The following PIP5K1A variants were observed in gnomAD, a reference collection of about 807,000 sequenced individuals.
The protein encoded by PIP5K1A is phosphatidylinositol 4-phosphate 5-kinase type-1 alpha.
PIP5K1A carries 46 observed loss-of-function variants against 72.9 expected under a neutral mutation model. That is an observed-to-expected ratio of 0.63 (90% CI 0.50 to 0.81). The LOEUF (loss-of-function observed/expected upper bound fraction) is 0.81. PIP5K1A is among the 30% of genes least tolerant of loss of function. The probability of loss-of-function intolerance (pLI) is 0.00; values close to 1 mark genes in which losing one functional copy is unlikely to be tolerated. For synonymous variants in PIP5K1A, 228 were observed against 255.1 expected, an observed-to-expected ratio of 0.89 and a Z score of 1.01; for missense variants, 458 against 706.1, an observed-to-expected ratio of 0.65 and a Z score of 3.98.
At chr1:151,199,131 G>A (rs775211056) in intron 1 of PIP5K1A, 50 bp downstream of exon 1, 2 of 1,612,712 alleles carry the variant, frequency 1.2e-6, no homozygotes, top group Non-Finnish European at 1.7e-6. Context: ...TATGCGATGG[G>A]AGGAAGAGCG....
chr1:151,208,973 C>G (rs1227993098), intron 1 of PIP5K1A, among the ~76,000 whole-genome samples: 2 of 150,982 alleles, frequency 1.3e-5, no homozygotes, highest in Non-Finnish European at 2.9e-5. Context: ...ACCTGGTGAT[C>G]TGCCTGCCTC....
intron 1 of PIP5K1A, among the ~76,000 whole-genome samples, chr1:151,209,970 G>A (rs1243935589): frequency 2.6e-5 from 4 of 151,714 alleles, no homozygotes; most frequent in Non-Finnish European, 4.4e-5. Context: ...TGCAATCTCT[G>A]CCTCCTGGGT....
In PIP5K1A at chr1:151,248,300, T is replaced by C. The variant is rs923378107; in HGVS notation, c.*435T>C. The C allele has an allele frequency of 1.2e-5, 2 of 170,912 alleles. No homozygotes were observed. Among genetic ancestry groups the C allele is most frequent in the African/African-American group, 4.8e-5 (2 of 42,086 alleles). The allele number at this position is 170,912 out of a possible 1,614,324, so 10.6% of individuals were successfully genotyped here. A position where few individuals can be genotyped will look rare whatever the true frequency, so the allele number is the denominator to read the frequency against. On this transcript the variant is annotated 3_prime_UTR_variant, in exon 16 of 16. Coordinates refer to ENST00000368888, the MANE Select transcript of PIP5K1A (RefSeq NM_001135638.2). ...TGGCACATTATCCCTACCTTAGTTC[T>C]TTCTCTCTGACTCCTGGAAGAATAC...
At chr1:151,240,643 C>G (rs1235208917) in intron 12 of PIP5K1A, among the ~76,000 whole-genome samples, 1 of 152,102 alleles carries the variant, frequency 6.6e-6, no homozygotes, top group Non-Finnish European at 1.5e-5. Flanking sequence ...TATGGAAAAA[C>G]CAGGCTGGGT....
At chr1:151,238,296 A>G in intron 10 of PIP5K1A, 31 bp downstream of exon 10, 1 of 1,374,300 alleles carries the variant, frequency 7.3e-7, no homozygotes, top group African/African-American at 1.4e-5. Flanking sequence ...AAATTAAGAG[A>G]GGGTGGATAC....
chr1:151,197,826 C>T (rs1488282460), upstream of PIP5K1A: 1 of 325,222 alleles, frequency 3.1e-6, no homozygotes, highest in Non-Finnish European at 6.1e-6. Flanking sequence ...GGGTTCATAG[C>T]CTACGGGGTA....
intron 12 of PIP5K1A, 31 bp from the exon 13 acceptor site, chr1:151,242,092 G>A (rs1025965981): frequency 4.1e-5 from 66 of 1,612,140 alleles, no homozygotes; most frequent in Non-Finnish European, 5.5e-5. Flanking sequence ...TAAGGTAGTT[G>A]CTAAGTAGGC....
chr1:151,239,502 C>T (rs1333008005), intron 11 of PIP5K1A, among the ~76,000 whole-genome samples: 1 of 151,596 alleles, frequency 6.6e-6, no homozygotes, highest in African/African-American at 2.4e-5. Context: ...AAACTCCTGA[C>T]CTCAAAGTGA....
chr1:151,240,247 A>G lies in PIP5K1A; in HGVS notation c.1363+208A>G, dbSNP rs1691496447. On this transcript the variant is annotated intron_variant, in intron 12 of 15. Transcript: ENST00000368888. ...CTGTTTCCCCCTTGGCTCTTCCTGC[A>G]TATGTCAATGAGGTGAGGACCATTT... 11 of 553,516 alleles carry G rather than the reference A, an allele frequency of 2.0e-5. 1 individual carries two copies. The South Asian group carries it at 2.2e-4, about 11-fold the overall frequency. 34.3% of individuals were successfully genotyped at this position (553,516 alleles called of 1,614,324 possible).
At chr1:151,220,990 T>C (rs946625332) in intron 1 of PIP5K1A, among the ~76,000 whole-genome samples, 1 of 152,204 alleles carries the variant, frequency 6.6e-6, no homozygotes, top group East Asian at 1.9e-4. Context: ...AAATTAATAA[T>C]TGTTTAACTT....
chr1:151,232,172 C>CT, intron 5 of PIP5K1A, 76 bp from the exon 6 acceptor site: 3 of 952,640 alleles, frequency 3.1e-6, no homozygotes, highest in Admixed American at 3.4e-5. Context: ...TGAGGTGACT[C>CT]TGAGTGTCTT....
intron 11 of PIP5K1A, among the ~76,000 whole-genome samples, chr1:151,239,687 A>G (rs1047416441): frequency 2.0e-5 from 3 of 151,970 alleles, no homozygotes; most frequent in Non-Finnish European, 4.4e-5. Flanking sequence ...ACCACCATGC[A>G]TGGCTAAGTT....
chr1:151,215,906 C>G lies in PIP5K1A; in HGVS notation c.86-8339C>G, dbSNP rs74127566. On this transcript the variant is annotated intron_variant, in intron 1 of 15. Transcript: ENST00000368888. ...TTTAAAAACATGTATGCTTATCATG[C>G]TGTAAGCAAATGGGACCCCAGGAGT... The G allele has an allele frequency of 4.9e-3, 4,935 of 1,005,036 alleles. 146 individuals carry two copies. In the African/African-American group the frequency reaches 0.069, roughly 14 times the overall value. The allele number at this position is 1,005,036 out of a possible 1,614,324, so 62.3% of individuals were successfully genotyped here.
chr1:151,210,099 G>A (rs1686580662), intron 1 of PIP5K1A, among the ~76,000 whole-genome samples: 1 of 151,770 alleles, frequency 6.6e-6, no homozygotes, highest in South Asian at 2.1e-4. Context: ...AGCCAGGTTG[G>A]TCTCGAACTC....
intron 8 of PIP5K1A, among the ~76,000 whole-genome samples, chr1:151,235,737 A>G (rs1053325891): frequency 6.6e-6 from 1 of 152,258 alleles, no homozygotes; most frequent in African/African-American, 2.4e-5. Flanking sequence ...GGAGACATAC[A>G]TGGAAAGAAC....
intron 9 of PIP5K1A, 96 bp from the exon 10 acceptor site, chr1:151,238,084 GGA>G (rs1380063825): frequency 2.8e-6 from 2 of 719,722 alleles, no homozygotes; most frequent in Non-Finnish European, 5.1e-6. Flanking sequence ...TCTGGTTTAT[GGA>G]GGATGAGGCA....
chr1:151,222,092 GA>G (rs1318285974), intron 1 of PIP5K1A, among the ~76,000 whole-genome samples: 10 of 151,848 alleles, frequency 6.6e-5, no homozygotes, highest in Non-Finnish European at 1.3e-4. Flanking sequence ...GTCTCAAAGG[GA>G]AAAAAAATTA....
chr1:151,200,261 G>GTA (rs1199049358), intron 1 of PIP5K1A, among the ~76,000 whole-genome samples: 1 of 151,972 alleles, frequency 6.6e-6, no homozygotes, highest in African/African-American at 2.4e-5. Context: ...TGCTTACGCT[G>GTA]TATCAGGAGA....
rs989918997 is a variant in PIP5K1A, at chr1:151,198,606, C to T, written c.-391C>T. Reference sequence around the variant, plus strand: ...CGGCCGGGTTGGGCGATTAACAGGCCGTGGTTAGGAAGGACGGAGAAGGGG... The same window carrying T: ...CGGCCGGGTTGGGCGATTAACAGGCTGTGGTTAGGAAGGACGGAGAAGGGG... On this transcript the variant is annotated 5_prime_UTR_variant, in exon 1 of 16. Coordinates refer to ENST00000368888, the MANE Select transcript of PIP5K1A (RefSeq NM_001135638.2). The T allele has an allele frequency of 1.3e-4, 27 of 213,506 alleles. No homozygotes were observed. Among genetic ancestry groups the T allele is most frequent in the Admixed American group, 5.4e-4 (10 of 18,568 alleles). The allele number at this position is 213,506 out of a possible 1,614,324, so 13.2% of individuals were successfully genotyped here.
Sources: gnomAD v4.1 joint callset for allele counts (sites outside exome capture counted in the v4.1 genomes callset) on GRCh38, gnomAD v4.1.1 for gene constraint, MANE v1.5 for transcripts, NCBI Gene and HGNC (gene_info 2026-07-23, HGNC 2026-07-21) for gene names.